PPEF1: variants seen among roughly 807,000 people sequenced by gnomAD.
PPEF1 encodes the protein serine/threonine-protein phosphatase with EF-hands 1.
In PPEF1, 12 loss-of-function variants were observed where a neutral mutation model predicts 53.3. The ratio of observed to expected loss-of-function variants is 0.23; its 90% CI spans 0.14 to 0.36. The LOEUF is 0.36. Among genes scored for constraint, PPEF1 ranks in the 10% least tolerant of loss-of-function variants. The probability of loss-of-function intolerance (pLI) is 1.00; values close to 1 mark genes in which losing one functional copy is unlikely to be tolerated. For missense variants in PPEF1, 334 were observed against 490.4 expected, an observed-to-expected ratio of 0.68 and a Z score of 3.01; for synonymous variants, 165 against 176.7, an observed-to-expected ratio of 0.93 and a Z score of 0.52.
rs1233079592 is a variant in PPEF1, at chrX:18,827,891, A to T, written c.*404A>T. On this transcript the variant is annotated 3_prime_UTR_variant, in exon 16 of 16. Coordinates refer to ENST00000470157, the MANE Select transcript of PPEF1 (RefSeq NM_001377996.1). ...AGACAGGAGGAATACCAGGTTATTC[A>T]TGGAATAAAGTCTTTCCATCTTTAA... 8.1e-6 allele frequency: 1 copy of T among 122,898 alleles called. No individual in the cohort carries two copies. The highest frequency in any genetic ancestry group is 3.3e-4 in the South Asian group (1 of 3,035). The allele number at this position is 122,898 out of a possible 1,213,427, so 10.1% of individuals were successfully genotyped here. A position where few individuals can be genotyped will look rare whatever the true frequency, so the allele number is the denominator to read the frequency against.
intron 11 of PPEF1, among the ~76,000 whole-genome samples, chrX:18,805,573 G>A (rs1305152664): frequency 9.0e-6 from 1 of 110,799 alleles, no homozygotes; most frequent in African/African-American, 3.3e-5. Flanking sequence ...GGCTGGGCAC[G>A]GTGGCTCATG....
chrX:18,709,038 G>A (rs1397379535), intron 1 of PPEF1, among the ~76,000 whole-genome samples: 3 of 110,726 alleles, frequency 2.7e-5, no homozygotes, highest in Non-Finnish European at 3.8e-5. Flanking sequence ...AACATTGCAT[G>A]TAAGTGGAAA....
chrX:18,744,118 C>A (rs1047616217), intron 3 of PPEF1, among the ~76,000 whole-genome samples: 1 of 106,035 alleles, frequency 9.4e-6, no homozygotes, highest in South Asian at 4.1e-4. Context: ...CTCAAACTCC[C>A]GACCTCAGGT....
At chrX:18,766,687 C>T (rs1206986938) in intron 6 of PPEF1, among the ~76,000 whole-genome samples, 3 of 112,200 alleles carry the variant, frequency 2.7e-5, no homozygotes, top group African/African-American at 9.7e-5. Context: ...TCTGGCTACC[C>T]ACCCCACAGC....
chrX:18,775,211 C>CTTTTTTTTTTTTTTT (rs765208120), intron 6 of PPEF1, among the ~76,000 whole-genome samples: 2 of 50,166 alleles, frequency 4.0e-5, no homozygotes, highest in Admixed American at 3.0e-4. Context: ...TAACCCATTG[C>CTTTTTTTTTTTTTTT]TTTTTTTTTT....
intron 2 of PPEF1, among the ~76,000 whole-genome samples, chrX:18,730,945 C>T (rs1417513513): frequency 8.9e-6 from 1 of 111,743 alleles, no homozygotes. Flanking sequence ...GAACTCCTGA[C>T]CTCAGGTAAT....
At position 18,827,623 on chromosome X, in the gene PPEF1, A is replaced by G. The variant is rs1222079368; in HGVS notation, c.*136A>G. 5.9e-6 allele frequency: 3 copies of G among 506,967 alleles called. No homozygotes were observed. The African/African-American group carries it at 7.2e-5, about 12-fold the overall frequency. The allele number at this position is 506,967 out of a possible 1,213,427, so 41.8% of individuals were successfully genotyped here. A position where few individuals can be genotyped will look rare whatever the true frequency, so the allele number is the denominator to read the frequency against. Reference sequence around the variant, plus strand: ...CCCAATTCATCCCACAAACAGATGCATAGTATGGGTTTTGGAAGTCCCTAG... The same window carrying G: ...CCCAATTCATCCCACAAACAGATGCGTAGTATGGGTTTTGGAAGTCCCTAG... On this transcript the variant is annotated 3_prime_UTR_variant, in exon 16 of 16. Transcript: ENST00000470157.
chrX:18,684,845 T>G (rs145890001), intron 2 of PPEF1, among the ~76,000 whole-genome samples: 1 of 111,562 alleles, frequency 9.0e-6, no homozygotes, highest in African/African-American at 3.3e-5. Flanking sequence ...CAGGCTGATC[T>G]TGAACTCCTG....
chrX:18,824,297 G>A (rs759138242), intron 14 of PPEF1, among the ~76,000 whole-genome samples: 28 of 110,979 alleles, frequency 2.5e-4, no homozygotes, highest in Non-Finnish European at 4.5e-4. Context: ...AAAATCAGCC[G>A]GGTGTGGTCG....
chrX:18,824,669 TTG>T (rs2047131278), intron 14 of PPEF1, among the ~76,000 whole-genome samples: 1 of 110,379 alleles, frequency 9.1e-6, no homozygotes, highest in Non-Finnish European at 1.9e-5. Flanking sequence ...TCCATGCTTT[TTG>T]TTTGTTTTTT....
At chrX:18,769,645 C>T (rs2045836315) in intron 6 of PPEF1, among the ~76,000 whole-genome samples, 1 of 111,504 alleles carries the variant, frequency 9.0e-6, no homozygotes, top group Non-Finnish European at 1.9e-5. Flanking sequence ...CACCATCCTC[C>T]ACCCACTACA....
In PPEF1 at chrX:18,702,035, G is replaced by T. The variant is rs1189181990; in HGVS notation, c.-123+1600G>T. ...TACAGACCTCCCCTTACTCATTTAAGACCCCAGACATAAGTAATTGCTCCA... is the reference window on the plus strand; with the variant it reads ...TACAGACCTCCCCTTACTCATTTAATACCCCAGACATAAGTAATTGCTCCA... On this transcript the variant is annotated intron_variant, in intron 6 of 21. Transcript: ENST00000361511. Among the ~76,000 whole-genome samples, 3 of 111,896 alleles carry T rather than the reference G, an allele frequency of 2.7e-5. No homozygotes were observed. The East Asian group carries it at 8.5e-4, about 32-fold the overall frequency.
At chrX:18,817,962 T>C in intron 12 of PPEF1, 77 bp from the exon 13 acceptor site, 1 of 755,727 alleles carries the variant, frequency 1.3e-6, no homozygotes, top group Non-Finnish European at 1.9e-6. Context: ...AATTCATAAA[T>C]AGTAATATTG....
intron 12 of PPEF1, among the ~76,000 whole-genome samples, chrX:18,807,911 C>T (rs187386178): frequency 3.3e-4 from 36 of 108,399 alleles, no homozygotes; most frequent in African/African-American, 1.0e-3. Context: ...TTGCCCGCCT[C>T]GGCCTCCCAA....
intron 1 of PPEF1, among the ~76,000 whole-genome samples, chrX:18,720,421 G>A (rs974574836): frequency 1.1e-4 from 12 of 110,730 alleles, no homozygotes; most frequent in African/African-American, 3.3e-4. Flanking sequence ...ATGAAACCCC[G>A]TCTCTACTAA....
rs144689525 is a variant in PPEF1 at position 18,764,594 on chromosome X, G to A, written c.558+3018G>A. Among the ~76,000 whole-genome samples, 512 of 111,763 alleles carry A rather than the reference G, an allele frequency of 4.6e-3. 3 individuals are homozygous for A. Among genetic ancestry groups the A allele is most frequent in the African/African-American group, 0.016 (482 of 30,759 alleles). ...CCACTGGAGTGCCATGGGAAAGGTG[G>A]AAGGATGGACAGGGGATGGGATTTA... On this transcript the variant is annotated intron_variant, in intron 6 of 15. Coordinates refer to ENST00000470157, the MANE Select transcript of PPEF1 (RefSeq NM_001377996.1).
At chrX:18,694,489 G>C (rs181653362) in intron 4 of PPEF1, among the ~76,000 whole-genome samples, 14 of 111,222 alleles carry the variant, frequency 1.3e-4, no homozygotes, top group African/African-American at 4.2e-4. Context: ...AGTGGCTCAC[G>C]CCTATAATAC....
intron 2 of PPEF1, among the ~76,000 whole-genome samples, chrX:18,732,831 C>T: frequency 8.9e-6 from 1 of 112,224 alleles, no homozygotes; most frequent in Middle Eastern, 4.6e-3. Context: ...GGTGAAGTTC[C>T]ACCTTTCCCT....
intron 12 of PPEF1, among the ~76,000 whole-genome samples, chrX:18,816,074 A>G (rs146167841): frequency 0.057 from 6,111 of 107,918 alleles, 411 homozygotes; most frequent in African/African-American, 0.19. Flanking sequence ...CCTTTTTCCA[A>G]TCTTTTAAAG....
Sources: allele counts gnomAD v4.1 joint callset (sites outside exome capture counted in the v4.1 genomes callset), GRCh38; gene constraint gnomAD v4.1.1; transcripts MANE v1.5; gene names NCBI Gene and HGNC (gene_info 2026-07-23, HGNC 2026-07-21).